Variants in NUAK1 observed in about 807,000 individuals in gnomAD.
NUAK1 encodes the protein NUAK family kinase 1.
Under a neutral mutation model 56.9 loss-of-function variants are expected in NUAK1, and 26 were observed. The ratio of observed to expected loss-of-function variants is 0.46; its 90% CI spans 0.33 to 0.63. The LOEUF (loss-of-function observed/expected upper bound fraction) is 0.63. NUAK1 is among the 30% of genes least tolerant of loss of function. The probability of loss-of-function intolerance (pLI) is 0.02; values close to 1 mark genes in which losing one functional copy is unlikely to be tolerated. For synonymous variants in NUAK1, 337 were observed against 336.0 expected, an observed-to-expected ratio of 1.00 and a Z score of -0.03; for missense variants, 727 against 876.1, an observed-to-expected ratio of 0.83 and a Z score of 2.15.
At chr12:106,080,878 G>A (rs898387567) in intron 4 of NUAK1, among the ~76,000 whole-genome samples, 1 of 152,090 alleles carries the variant, frequency 6.6e-6, no homozygotes, top group Non-Finnish European at 1.5e-5. Context: ...GACACGGATG[G>A]CAGGGGCTCT....
intron 4 of NUAK1, among the ~76,000 whole-genome samples, chr12:106,075,926 T>C (rs2032460614): frequency 6.6e-6 from 1 of 152,230 alleles, no homozygotes; most frequent in African/African-American, 2.4e-5. Context: ...TTGGTTTCCA[T>C]TATACTTAGT....
intron 5 of NUAK1, among the ~76,000 whole-genome samples, chr12:106,071,877 A>G (rs2032409570): frequency 6.6e-6 from 1 of 152,168 alleles, no homozygotes; most frequent in South Asian, 2.1e-4. Context: ...CCTGCCCCCA[A>G]ACACTCTCAA....
chr12:106,100,099 T>G (rs2032732913), intron 2 of NUAK1, among the ~76,000 whole-genome samples: 1 of 148,760 alleles, frequency 6.7e-6, no homozygotes, highest in Admixed American at 6.6e-5. Context: ...GGCAACATGA[T>G]GAAACCCCAT....
intron 2 of NUAK1, among the ~76,000 whole-genome samples, chr12:106,093,505 T>C (rs2032657527): frequency 6.6e-6 from 1 of 152,214 alleles, no homozygotes; most frequent in Admixed American, 6.5e-5. Context: ...TCCCAGAGAC[T>C]GCCTCCTGCA....
chr12:106,111,618 A>T (rs2032860292), intron 1 of NUAK1, among the ~76,000 whole-genome samples: 1 of 151,868 alleles, frequency 6.6e-6, no homozygotes, highest in Admixed American at 6.6e-5. Context: ...CTGAATCCAT[A>T]GGTCTGGGTA....
chr12:106,138,906 G>T lies in NUAK1; in HGVS notation c.-253C>A, dbSNP rs558597231. ...GCTGTGGAGCGTCGGGCGAGGTGGCGGCGGTGGCAGGGGAGGCGGTGGTGT... is the reference window on the plus strand; with the variant it reads ...GCTGTGGAGCGTCGGGCGAGGTGGCTGCGGTGGCAGGGGAGGCGGTGGTGT... On this transcript the variant is annotated 5_prime_UTR_variant, in exon 1 of 7. Coordinates refer to ENST00000261402, the MANE Select transcript of NUAK1 (RefSeq NM_014840.3). The surrounding 1 kb of genome is among the most constrained non-coding windows in gnomAD (Gnocchi z 5.0). The T allele has an allele frequency of 7.4e-4, 283 of 384,430 alleles. 1 individual carries two copies. The highest frequency in any genetic ancestry group is 5.5e-3 in the African/African-American group (262 of 47,386). 23.8% of individuals were successfully genotyped at this position (384,430 alleles called of 1,614,324 possible).
chr12:106,082,941 G>A (rs983596331), intron 4 of NUAK1, among the ~76,000 whole-genome samples: 4 of 152,162 alleles, frequency 2.6e-5, no homozygotes, highest in East Asian at 1.9e-4. Context: ...TGCTGGTGCC[G>A]GGAGTACTAA....
chr12:106,081,644 C>T (rs2032519148), intron 4 of NUAK1, among the ~76,000 whole-genome samples: 1 of 152,220 alleles, frequency 6.6e-6, no homozygotes, highest in Non-Finnish European at 1.5e-5. Flanking sequence ...GGGCTCCTGC[C>T]TCACTGTTTC....
chr12:106,081,344 G>A (rs2136460314), intron 4 of NUAK1, among the ~76,000 whole-genome samples: 1 of 152,332 alleles, frequency 6.6e-6, no homozygotes. Flanking sequence ...ACCTAAGTAG[G>A]ATTCCTTGAA....
chr12:106,114,833 A>T (rs2032900213), intron 1 of NUAK1, among the ~76,000 whole-genome samples: 1 of 152,210 alleles, frequency 6.6e-6, no homozygotes, highest in African/African-American at 2.4e-5. Context: ...AAGTCCCCAG[A>T]ACTGTTGCAT....
intron 4 of NUAK1, among the ~76,000 whole-genome samples, chr12:106,076,719 C>A (rs1027534065): frequency 8.5e-5 from 13 of 152,128 alleles, no homozygotes; most frequent in Non-Finnish European, 1.3e-4. Flanking sequence ...CACAGATGAA[C>A]CCTGAAGATG....
intron 2 of NUAK1, among the ~76,000 whole-genome samples, chr12:106,091,128 G>A (rs2032630453): frequency 6.6e-6 from 1 of 152,152 alleles, no homozygotes; most frequent in African/African-American, 2.4e-5. Flanking sequence ...TTATTTATAA[G>A]CCCAGAAATC....
chr12:106,116,607 G>C (rs1407600466), intron 1 of NUAK1, among the ~76,000 whole-genome samples: 1 of 152,206 alleles, frequency 6.6e-6, no homozygotes, highest in Non-Finnish European at 1.5e-5. Context: ...AAATAAATAG[G>C]AGGTCTGGGT....
intron 6 of NUAK1, among the ~76,000 whole-genome samples, chr12:106,068,170 A>C (rs2032365222): frequency 6.6e-6 from 1 of 152,234 alleles, no homozygotes; most frequent in African/African-American, 2.4e-5. Context: ...CCAGGGTGCC[A>C]TCACATCATG....
At chr12:106,111,306 C>T (rs1007447995) in intron 1 of NUAK1, among the ~76,000 whole-genome samples, 17 of 152,280 alleles carry the variant, frequency 1.1e-4, no homozygotes, top group African/African-American at 3.9e-4. Flanking sequence ...CACACATATC[C>T]TCCCCTCCCC....
chr12:106,087,904 C>T (rs917501648), intron 2 of NUAK1, among the ~76,000 whole-genome samples: 7 of 152,204 alleles, frequency 4.6e-5, no homozygotes, highest in African/African-American at 7.2e-5. Flanking sequence ...GAACTAATGC[C>T]GCAGGTTGCA....
chr12:106,101,377 C>T (rs2032745993), intron 2 of NUAK1, among the ~76,000 whole-genome samples: 1 of 152,176 alleles, frequency 6.6e-6, no homozygotes. Flanking sequence ...GGCGTTGAAG[C>T]CCTAACACCA....
At chr12:106,078,873 T>G (rs2032488500) in intron 4 of NUAK1, among the ~76,000 whole-genome samples, 1 of 152,236 alleles carries the variant, frequency 6.6e-6, no homozygotes, top group Non-Finnish European at 1.5e-5. Flanking sequence ...TGACTCAGCC[T>G]GGCCATCAGC....
At chr12:106,087,858 G>A (rs1293968810) in intron 2 of NUAK1, among the ~76,000 whole-genome samples, 1 of 152,220 alleles carries the variant, frequency 6.6e-6, no homozygotes, top group Non-Finnish European at 1.5e-5. Context: ...AGAGCTGGCT[G>A]GAATCAGCAG....
Sources: gnomAD v4.1 joint callset for allele counts (sites outside exome capture counted in the v4.1 genomes callset) on GRCh38, gnomAD v4.1.1 for gene constraint, Gnocchi (gnomAD v3.1) non-coding constraint, MANE v1.5 for transcripts, NCBI Gene and HGNC (gene_info 2026-07-23, HGNC 2026-07-21) for gene names.